Variants in ZHX2 observed in about 807,000 individuals in gnomAD.
ZHX2 encodes zinc fingers and homeoboxes 2, also known as zinc fingers and homeoboxes protein 2.
Under a neutral mutation model 21.9 loss-of-function variants are expected in ZHX2, and 6 were observed. That is an observed-to-expected ratio of 0.27 (90% CI 0.15 to 0.54). The LOEUF is 0.54. Ranked by LOEUF, ZHX2 falls within the 20% of genes least tolerant of loss-of-function variation. ZHX2 has a pLI of 0.95. For missense variants in ZHX2, 908 were observed against 1,090.7 expected (o/e 0.83, Z 2.36); for synonymous variants, 434 against 437.1 (o/e 0.99, Z 0.09).
intron 1 of ZHX2, among the ~76,000 whole-genome samples, chr8:122,849,340 C>G (rs938428714): frequency 1.3e-5 from 2 of 152,196 alleles, no homozygotes; most frequent in Non-Finnish European, 2.9e-5. Context: ...AAGTTGCTTA[C>G]CTCTCTATGC....
chr8:122,907,418 AGT>A (rs1166145943), intron 2 of ZHX2, among the ~76,000 whole-genome samples: 1 of 152,202 alleles, frequency 6.6e-6, no homozygotes, highest in Non-Finnish European at 1.5e-5. Context: ...CATCCTTTTG[AGT>A]CTCTGATTAG....
At chr8:122,887,163 G>A (rs372437163) in intron 2 of ZHX2, among the ~76,000 whole-genome samples, 20 of 151,936 alleles carry the variant, frequency 1.3e-4, no homozygotes, top group Admixed American at 1.1e-3. Flanking sequence ...ATGTGAGCAC[G>A]TGTGAGTGTG....
At chr8:122,865,855 C>T (rs896920854) in intron 2 of ZHX2, among the ~76,000 whole-genome samples, 1 of 152,184 alleles carries the variant, frequency 6.6e-6, no homozygotes. Flanking sequence ...GAGTCAGAAG[C>T]CCTGGCATAG....
At chr8:122,853,790 C>A (rs866463569) in intron 1 of ZHX2, among the ~76,000 whole-genome samples, 1 of 152,120 alleles carries the variant, frequency 6.6e-6, no homozygotes, top group Non-Finnish European at 1.5e-5. Context: ...CCCACTGTCA[C>A]CCCTCCCAGG....
At chr8:122,868,128 C>T (rs1012235854) in intron 2 of ZHX2, among the ~76,000 whole-genome samples, 1 of 152,114 alleles carries the variant, frequency 6.6e-6, no homozygotes, top group Non-Finnish European at 1.5e-5. Context: ...TACGGTGATT[C>T]GGCTATTCCA....
intron 1 of ZHX2, among the ~76,000 whole-genome samples, chr8:122,835,224 C>T (rs1353471920): frequency 6.6e-6 from 1 of 152,202 alleles, no homozygotes; most frequent in African/African-American, 2.4e-5. Context: ...CTAACAATAC[C>T]TTCATTTTCT....
intron 3 of ZHX2, among the ~76,000 whole-genome samples, chr8:122,959,590 G>T (rs1321420877): frequency 6.6e-6 from 1 of 152,160 alleles, no homozygotes; most frequent in Non-Finnish European, 1.5e-5. Flanking sequence ...TTAAAAGATA[G>T]TTGGGATCTG....
rs147722620 is a variant in ZHX2, at chr8:122,936,602, G to A, written c.-219-14690G>A. Among the ~76,000 whole-genome samples the A allele has an allele frequency of 1.4e-3, 215 of 152,278 alleles. 2 individuals carry two copies. Among genetic ancestry groups the A allele is most frequent in the African/African-American group, 5.1e-3 (212 of 41,538 alleles). ...GGCTGGCCTGAAACTCTGTCTGTCG[G>A]GATGTTTTCAGTTACAAGTGACAGA... is the stretch of plus-strand genomic sequence containing the variant. On this transcript the variant is annotated intron_variant, in intron 2 of 3. Coordinates refer to ENST00000314393, the MANE Select transcript of ZHX2 (RefSeq NM_014943.5).
At chr8:122,804,423 A>T (rs1817785295) in intron 1 of ZHX2, among the ~76,000 whole-genome samples, 1 of 152,162 alleles carries the variant, frequency 6.6e-6, no homozygotes, top group Non-Finnish European at 1.5e-5. Flanking sequence ...TTATTCAGTC[A>T]TTCATTCAAC....
intron 2 of ZHX2, among the ~76,000 whole-genome samples, chr8:122,938,132 A>G (rs1391809572): frequency 6.7e-6 from 1 of 149,392 alleles, no homozygotes; most frequent in African/African-American, 2.5e-5. Context: ...ACAGGGTTTC[A>G]TCATGTTGGC....
chr8:122,825,522 T>C (rs1400186663), intron 1 of ZHX2, among the ~76,000 whole-genome samples: 1 of 152,202 alleles, frequency 6.6e-6, no homozygotes, highest in East Asian at 1.9e-4. Flanking sequence ...AGCTCTGCCA[T>C]GGGATCAGGC....
chr8:122,883,150 C>T lies in ZHX2; in HGVS notation c.-220+19611C>T, dbSNP rs541775437. On this transcript the variant is annotated intron_variant, in intron 2 of 3. Transcript: ENST00000314393. ...CCACCCTCGTTTCTTCCCACATCCCCTCATCTGCCGTGCAGCAACCATGCA... is the reference window on the plus strand; with the variant it reads ...CCACCCTCGTTTCTTCCCACATCCCTTCATCTGCCGTGCAGCAACCATGCA... Among the ~76,000 whole-genome samples the T allele has an allele frequency of 3.3e-5, 5 of 152,316 alleles. No homozygotes were observed. In the East Asian group the frequency reaches 9.6e-4, roughly 29 times the overall value.
intron 2 of ZHX2, among the ~76,000 whole-genome samples, chr8:122,902,720 T>A (rs1807490986): frequency 6.6e-6 from 1 of 152,188 alleles, no homozygotes; most frequent in South Asian, 2.1e-4. Context: ...TAAAATGAGA[T>A]GATCTAGGAA....
intron 2 of ZHX2, among the ~76,000 whole-genome samples, chr8:122,882,937 G>A (rs2129799511): frequency 6.6e-6 from 1 of 152,130 alleles, no homozygotes; most frequent in Non-Finnish European, 1.5e-5. Context: ...AGCTGAGATG[G>A]CACCACTATA....
chr8:122,814,853 G>A (rs1012739592), intron 1 of ZHX2, among the ~76,000 whole-genome samples: 6 of 151,038 alleles, frequency 4.0e-5, no homozygotes, highest in Non-Finnish European at 5.9e-5. Flanking sequence ...CCCTGGCATC[G>A]GTTTGTTTTT....
At chr8:122,906,666 CTTT>C (rs771349214) in intron 2 of ZHX2, among the ~76,000 whole-genome samples, 21 of 123,416 alleles carry the variant, frequency 1.7e-4, no homozygotes, top group African/African-American at 4.1e-4. Flanking sequence ...ACATAATTTC[CTTT>C]TTTTTTTTTT....
At chr8:122,848,948 T>C (rs765777138) in intron 1 of ZHX2, among the ~76,000 whole-genome samples, 6 of 152,206 alleles carry the variant, frequency 3.9e-5, no homozygotes, top group Non-Finnish European at 8.8e-5. Context: ...GAGGTGCCAC[T>C]GAAACCTGTT....
intron 1 of ZHX2, among the ~76,000 whole-genome samples, chr8:122,800,063 T>G (rs966595122): frequency 1.3e-5 from 2 of 152,008 alleles, no homozygotes; most frequent in Admixed American, 6.6e-5. Context: ...CACATGTTGG[T>G]CAGGCTGGTC....
At chr8:122,822,760 G>C (rs925779471) in intron 1 of ZHX2, among the ~76,000 whole-genome samples, 4 of 152,202 alleles carry the variant, frequency 2.6e-5, no homozygotes, top group Non-Finnish European at 4.4e-5. Context: ...ATCACCACCT[G>C]CCAGGTAAGG....
Sources: gnomAD v4.1 joint callset for allele counts (sites outside exome capture counted in the v4.1 genomes callset) on GRCh38, gnomAD v4.1.1 for gene constraint, MANE v1.5 for transcripts, NCBI Gene and HGNC (gene_info 2026-07-23, HGNC 2026-07-21) for gene names.